Variants in B3GALT1 observed in about 807,000 individuals in gnomAD.
B3GALT1 encodes beta-1,3-galactosyltransferase 1.
B3GALT1 carries 10 observed loss-of-function variants against 23.2 expected under a neutral mutation model. That is an observed-to-expected ratio of 0.43 (90% confidence interval 0.27 to 0.73). B3GALT1 has a LOEUF of 0.73. B3GALT1 is among the 30% of genes least tolerant of loss of function. B3GALT1 has a pLI of 0.21. For synonymous variants in B3GALT1, 156 were observed against 141.5 expected, an observed-to-expected ratio of 1.10 and a Z score of -0.73; for missense variants, 299 against 405.4, an observed-to-expected ratio of 0.74 and a Z score of 2.25.
intron 4 of B3GALT1, among the ~76,000 whole-genome samples, chr2:167,855,006 A>T (rs1489459437): frequency 6.6e-6 from 1 of 152,146 alleles, no homozygotes; most frequent in African/African-American, 2.4e-5. Flanking sequence ...TGCAAGTGTC[A>T]TTACTGATTT....
chr2:167,441,835 C>A (rs879308281), intron 1 of B3GALT1, among the ~76,000 whole-genome samples: 3 of 151,038 alleles, frequency 2.0e-5, no homozygotes, highest in Non-Finnish European at 4.4e-5. Flanking sequence ...CAAGCCCAGG[C>A]CAGACAGCAT....
At chr2:167,764,178 C>T (rs778619285) in intron 3 of B3GALT1, among the ~76,000 whole-genome samples, 2 of 152,234 alleles carry the variant, frequency 1.3e-5, no homozygotes, top group South Asian at 2.1e-4. Context: ...TCAAGTGCCC[C>T]GTTCCCTTCA....
intron 2 of B3GALT1, among the ~76,000 whole-genome samples, chr2:167,532,615 G>GA (rs34228417): frequency 2.0e-5 from 3 of 150,534 alleles, no homozygotes; most frequent in African/African-American, 2.4e-5. Flanking sequence ...TGGAAAAGGA[G>GA]AAAAAAAAAT....
At chr2:167,564,790 C>A (rs192853598) in intron 2 of B3GALT1, among the ~76,000 whole-genome samples, 2,391 of 152,268 alleles carry the variant, frequency 0.016, 64 homozygotes, top group African/African-American at 0.054. Context: ...CTAGGAATCC[C>A]ACTTACAAGG....
rs1491488366 is a variant in B3GALT1 at position 167,297,394 on chromosome 2, TTA to T, written c.-511+4061_-511+4062del. Among the ~76,000 whole-genome samples the T allele has an allele frequency of 2.3e-5, 3 of 132,698 alleles. No homozygotes were observed. The Admixed American group carries it at 2.3e-4, about 10-fold the overall frequency. The allele number at this position is 132,698 out of a possible 152,430, so 87.1% of individuals were successfully genotyped here. The stretch of plus-strand genomic sequence containing the variant: ...ATTTATGTACCTCTGTAAAAACTGA[TTA>T]AAAAAAAAAAACTAGGTTTTGAGGT... On this transcript the variant is annotated intron_variant, in intron 1 of 4. Coordinates refer to ENST00000392690, the MANE Select transcript of B3GALT1 (RefSeq NM_020981.4).
chr2:167,316,704 C>T (rs1317649732), intron 1 of B3GALT1, among the ~76,000 whole-genome samples: 1 of 152,118 alleles, frequency 6.6e-6, no homozygotes, highest in Non-Finnish European at 1.5e-5. Context: ...CCAGCATTCC[C>T]TAGCTAGGCA....
At chr2:167,624,303 C>T (rs978116245) in intron 2 of B3GALT1, among the ~76,000 whole-genome samples, 14 of 152,170 alleles carry the variant, frequency 9.2e-5, no homozygotes, top group African/African-American at 3.4e-4. Flanking sequence ...TGAAATCCCT[C>T]ATAAGCAAGA....
intron 1 of B3GALT1, among the ~76,000 whole-genome samples, chr2:167,425,781 T>G (rs1698613914): frequency 6.6e-6 from 1 of 152,210 alleles, no homozygotes; most frequent in African/African-American, 2.4e-5. Context: ...TGTACATGAC[T>G]TATACACTAA....
chr2:167,714,682 A>G, intron 3 of B3GALT1: 3 of 1,613,870 alleles, frequency 1.9e-6, no homozygotes, highest in Non-Finnish European at 2.5e-6. Context: ...ACCAATTATT[A>G]TGTCCTTTTT....
intron 2 of B3GALT1, among the ~76,000 whole-genome samples, chr2:167,514,200 C>G (rs1401655396): frequency 1.3e-5 from 2 of 152,184 alleles, no homozygotes; most frequent in Non-Finnish European, 2.9e-5. Flanking sequence ...AGCCACCACA[C>G]CCGGCCCCAT....
intron 4 of B3GALT1, among the ~76,000 whole-genome samples, chr2:167,828,914 T>C (rs1353439237): frequency 6.6e-5 from 10 of 152,206 alleles, no homozygotes; most frequent in Non-Finnish European, 1.3e-4. Context: ...ATACTCAAAT[T>C]TCAGTACTTG....
intron 2 of B3GALT1, among the ~76,000 whole-genome samples, chr2:167,542,526 C>T (rs966954469): frequency 2.0e-5 from 3 of 152,074 alleles, no homozygotes; most frequent in Non-Finnish European, 2.9e-5. Flanking sequence ...GATTCAGGGG[C>T]TTTTGCTTGT....
chr2:167,510,483 A>T (rs981244449), intron 2 of B3GALT1, among the ~76,000 whole-genome samples: 5 of 150,620 alleles, frequency 3.3e-5, no homozygotes, highest in African/African-American at 1.2e-4. Context: ...CATTCCATAG[A>T]TAAGAACTCC....
chr2:167,459,438 A>T (rs1429921320), intron 1 of B3GALT1, among the ~76,000 whole-genome samples: 2 of 152,154 alleles, frequency 1.3e-5, no homozygotes, highest in Non-Finnish European at 2.9e-5. Context: ...GATGTCATAA[A>T]ATTACATCTT....
At chr2:167,772,002 T>A (rs1688080172) in intron 3 of B3GALT1, among the ~76,000 whole-genome samples, 1 of 152,230 alleles carries the variant, frequency 6.6e-6, no homozygotes, top group African/African-American at 2.4e-5. Context: ...TATGCTGCAT[T>A]TTATTTTAAA....
intron 3 of B3GALT1, among the ~76,000 whole-genome samples, chr2:167,704,685 T>C (rs1399114100): frequency 6.6e-6 from 1 of 152,214 alleles, no homozygotes; most frequent in African/African-American, 2.4e-5. Context: ...CATTAGTTAG[T>C]CTGTTTTTAA....
intron 3 of B3GALT1, among the ~76,000 whole-genome samples, chr2:167,690,652 C>T (rs897757972): frequency 2.0e-5 from 3 of 152,078 alleles, no homozygotes; most frequent in Non-Finnish European, 4.4e-5. Context: ...TTTTTAACAA[C>T]TTTCTGTTAT....
chr2:167,378,076 A>G (rs560239913), intron 1 of B3GALT1, among the ~76,000 whole-genome samples: 16 of 152,264 alleles, frequency 1.1e-4, no homozygotes, highest in Admixed American at 9.2e-4. Flanking sequence ...TCCTTCACTT[A>G]TGATTCTTAG....
intron 1 of B3GALT1, among the ~76,000 whole-genome samples, chr2:167,474,452 G>A (rs866895880): frequency 6.6e-6 from 1 of 152,120 alleles, no homozygotes; most frequent in Non-Finnish European, 1.5e-5. Flanking sequence ...TGTGAAACGG[G>A]TTGTATTGTC....
Sources: allele counts gnomAD v4.1 joint callset (sites outside exome capture counted in the v4.1 genomes callset), GRCh38; gene constraint gnomAD v4.1.1; transcripts MANE v1.5; gene names NCBI Gene and HGNC (gene_info 2026-07-23, HGNC 2026-07-21).